KLHL8: variants seen among roughly 807,000 people sequenced by gnomAD.
KLHL8 encodes the protein kelch like family member 8, also known as kelch-like protein 8.
In KLHL8, 38 loss-of-function variants were observed where a neutral mutation model predicts 63.5. The ratio of observed to expected loss-of-function variants is 0.60; its 90% CI spans 0.46 to 0.78. The LOEUF (loss-of-function observed/expected upper bound fraction) is 0.78, where lower values mean the gene tolerates loss of function less well. KLHL8 is among the 30% of genes least tolerant of loss of function. The pLI, the probability that KLHL8 is intolerant of heterozygous loss-of-function variation, is 0.00. For synonymous variants in KLHL8, 224 were observed against 254.3 expected, an observed-to-expected ratio of 0.88 and a Z score of 1.13; for missense variants, 566 against 752.4, an observed-to-expected ratio of 0.75 and a Z score of 2.90.
chr4:87,186,268 G>C (rs1300617288), intron 2 of KLHL8, among the ~76,000 whole-genome samples: 1 of 151,810 alleles, frequency 6.6e-6, no homozygotes, highest in Non-Finnish European at 1.5e-5. Flanking sequence ...GGTTGGTCTT[G>C]AACTCCTGGC....
intron 2 of KLHL8, among the ~76,000 whole-genome samples, chr4:87,188,868 A>G (rs1731361307): frequency 6.6e-6 from 1 of 152,236 alleles, no homozygotes; most frequent in Non-Finnish European, 1.5e-5. Flanking sequence ...TTATATAAAT[A>G]CTATATGTCC....
chr4:87,168,682 G>GTGTGTATATATATACGTATATATA lies in KLHL8; in HGVS notation c.1537+1373_1537+1396dup, dbSNP rs1269910416. 3.1e-3 allele frequency among the ~76,000 whole-genome samples: 451 copies of GTGTGTATATATATACGTATATATA among 145,680 alleles called. 6 individuals are homozygous for GTGTGTATATATATACGTATATATA. Among genetic ancestry groups the GTGTGTATATATATACGTATATATA allele is most frequent in the African/African-American group, 0.011 (426 of 38,814 alleles). ...TATGTATATATATGTGTGTATATAT[G>GTGTGTATATATATACGTATATATA]TGTGTATATATATACGTATATATAT... is the stretch of plus-strand genomic sequence containing the variant. On this transcript the variant is annotated intron_variant, in intron 8 of 9. Coordinates refer to ENST00000273963, the MANE Select transcript of KLHL8 (RefSeq NM_020803.5).
intron 1 of KLHL8, among the ~76,000 whole-genome samples, chr4:87,217,645 C>A (rs941220903): frequency 1.6e-4 from 24 of 148,276 alleles, no homozygotes; most frequent in Non-Finnish European, 3.0e-4. Flanking sequence ...CGAGCCTGGC[C>A]TCTTTTTTTT....
At chr4:87,234,436 C>CAAAA (rs35074980) in intron 1 of KLHL8, among the ~76,000 whole-genome samples, 1 of 131,862 alleles carries the variant, frequency 7.6e-6, no homozygotes, top group African/African-American at 2.8e-5. Context: ...GTCTCTGTCT[C>CAAAA]AAAAAAAAAA....
chr4:87,207,963 C>A, intron 1 of KLHL8: 1 of 804,010 alleles, frequency 1.2e-6, no homozygotes, highest in African/African-American at 1.7e-5. Context: ...CGCACTCTTC[C>A]ACCTTCAATG....
intron 1 of KLHL8, among the ~76,000 whole-genome samples, chr4:87,230,783 CT>C (rs1306751376): frequency 1.3e-5 from 2 of 152,202 alleles, no homozygotes; most frequent in African/African-American, 2.4e-5. Flanking sequence ...CTGCCCCTCA[CT>C]TTTTATCCCA....
At position 87,160,426 on chromosome 4, in the gene KLHL8, T is replaced by C. The variant is rs955780092; in HGVS notation, c.*3093A>G. ...GATTCTAAAGGCATTCTTTAAGACA[T>C]AGAGAAAAAAGAAACAAAGAAAATT... On this transcript the variant is annotated 3_prime_UTR_variant, in exon 10 of 10. Coordinates refer to ENST00000273963, the MANE Select transcript of KLHL8 (RefSeq NM_020803.5). The C allele has an allele frequency of 6.6e-6, 1 of 152,064 alleles. No individual in the cohort carries two copies. Among genetic ancestry groups the C allele is most frequent in the Admixed American group, 6.6e-5 (1 of 15,264 alleles). The allele number at this position is 152,064 out of a possible 1,614,324, so 9.4% of individuals were successfully genotyped here.
intron 8 of KLHL8, among the ~76,000 whole-genome samples, chr4:87,166,568 T>A (rs1367411096): frequency 1.3e-5 from 2 of 152,210 alleles, no homozygotes; most frequent in Non-Finnish European, 2.9e-5. Flanking sequence ...TTATTCCCGT[T>A]TCATAATCAT....
chr4:87,194,407 C>A (rs1482907409), intron 2 of KLHL8, among the ~76,000 whole-genome samples: 3 of 152,180 alleles, frequency 2.0e-5, no homozygotes, highest in African/African-American at 7.2e-5. Flanking sequence ...CACAGTGGCT[C>A]ACAGTTATAA....
chr4:87,226,275 A>G (rs1732972563), intron 1 of KLHL8, among the ~76,000 whole-genome samples: 1 of 152,014 alleles, frequency 6.6e-6, no homozygotes, highest in African/African-American at 2.4e-5. Context: ...ATATAGCTCT[A>G]TATTAGGCCA....
chr4:87,213,375 A>C (rs985327164), intron 1 of KLHL8, among the ~76,000 whole-genome samples: 5 of 152,242 alleles, frequency 3.3e-5, no homozygotes, highest in African/African-American at 1.2e-4. Flanking sequence ...TTTGTTGCCA[A>C]GTATCAAAGT....
At chr4:87,224,351 G>A (rs916857530), upstream of KLHL8, among the ~76,000 whole-genome samples, 1 of 152,172 alleles carries the variant, frequency 6.6e-6, no homozygotes, top group Admixed American at 6.6e-5. Flanking sequence ...TCATTCCCTG[G>A]ATGACAGAGC....
At chr4:87,202,033 T>G (rs1321781985) in intron 1 of KLHL8, among the ~76,000 whole-genome samples, 1 of 150,450 alleles carries the variant, frequency 6.6e-6, no homozygotes. Context: ...TGGCATGAAA[T>G]CGGGAGGCGG....
At chr4:87,183,101 A>G in intron 4 of KLHL8, 102 bp downstream of exon 4, 1 of 739,284 alleles carries the variant, frequency 1.4e-6, no homozygotes, top group Admixed American at 2.7e-5. Context: ...ACTTTAAGGC[A>G]ATCAGACACT....
At chr4:87,235,955 GC>G (rs1212045527) in intron 1 of KLHL8, among the ~76,000 whole-genome samples, 1 of 152,164 alleles carries the variant, frequency 6.6e-6, no homozygotes, top group Non-Finnish European at 1.5e-5. Flanking sequence ...GTTGTAAAAT[GC>G]TTGGAGCGCC....
At chr4:87,223,229 C>T (rs1233787105), upstream of KLHL8, among the ~76,000 whole-genome samples, 1 of 151,984 alleles carries the variant, frequency 6.6e-6, no homozygotes, top group East Asian at 1.9e-4. Flanking sequence ...CTTTCTTGGC[C>T]TCCCAAAGTG....
chr4:87,209,702 C>T (rs138437397), intron 1 of KLHL8, among the ~76,000 whole-genome samples: 82 of 152,252 alleles, frequency 5.4e-4, no homozygotes, highest in African/African-American at 1.7e-3. Flanking sequence ...AATACCATTA[C>T]GCTGAATACT....
chr4:87,182,052 C>G (rs919141461), intron 4 of KLHL8, among the ~76,000 whole-genome samples: 1 of 151,788 alleles, frequency 6.6e-6, no homozygotes, highest in Non-Finnish European at 1.5e-5. Context: ...CACGGTGAAA[C>G]CCCGTCTCTA....
chr4:87,205,889 G>A (rs1463412654), intron 1 of KLHL8, among the ~76,000 whole-genome samples: 1 of 152,192 alleles, frequency 6.6e-6, no homozygotes, highest in Non-Finnish European at 1.5e-5. Flanking sequence ...AGGCAGCAGG[G>A]CTCCCCAGCC....
Sources: allele counts gnomAD v4.1 joint callset (sites outside exome capture counted in the v4.1 genomes callset), GRCh38; gene constraint gnomAD v4.1.1; transcripts MANE v1.5; gene names NCBI Gene and HGNC (gene_info 2026-07-23, HGNC 2026-07-21).